Variants in OSTF1 observed in about 807,000 individuals in gnomAD.
OSTF1 encodes the protein osteoclast-stimulating factor 1.
A neutral mutation model predicts 37.2 loss-of-function variants in OSTF1; 27 were observed. The observed-to-expected ratio is 0.73, with a 90% confidence interval of 0.54 to 1.00. OSTF1 has a LOEUF of 1.00. OSTF1 is among the 50% of genes least tolerant of loss of function. OSTF1 has a pLI of 0.00. For missense variants in OSTF1, 232 were observed against 253.8 expected (o/e 0.91, Z 0.58); for synonymous variants, 82 against 89.2 (o/e 0.92, Z 0.46).
chr9:75,127,959 A>T lies in OSTF1; in HGVS notation c.132+340A>T, dbSNP rs576016653. On this transcript the variant is annotated intron_variant, in intron 3 of 9. Transcript: ENST00000346234. Reference sequence around the variant, plus strand: ...CCTCAGTTTTCTAGGAAAGGGTGAGAGTGTATGTGTACACACACATACATG... The same window carrying T: ...CCTCAGTTTTCTAGGAAAGGGTGAGTGTGTATGTGTACACACACATACATG... Among the ~76,000 whole-genome samples, 13 of 152,136 alleles carry T rather than the reference A, an allele frequency of 8.5e-5. No homozygotes were observed. In the South Asian group the frequency reaches 2.5e-3, roughly 29 times the overall value.
At chr9:75,140,483 A>G (rs1347118828) in intron 8 of OSTF1, among the ~76,000 whole-genome samples, 1 of 152,228 alleles carries the variant, frequency 6.6e-6, no homozygotes, top group Non-Finnish European at 1.5e-5. Flanking sequence ...CTCAAGCACT[A>G]TCCACTTGGT....
chr9:75,115,583 C>T (rs532085819), intron 1 of OSTF1, among the ~76,000 whole-genome samples: 1 of 151,898 alleles, frequency 6.6e-6, no homozygotes, highest in Non-Finnish European at 1.5e-5. Context: ...TAGATAGTCC[C>T]TCTATTTTGA....
Position 75,134,434 on chromosome 9 carries a change from G to A in OSTF1, c.408+39G>A, listed in dbSNP as rs779168240. ...TTTGAAAATTATTTAACACATACCT[G>A]CTTGTTGTCTTTAGTACAGAGCAAC... On this transcript the variant is annotated intron_variant, in intron 7 of 9. Transcript: ENST00000346234. 4.5e-6 allele frequency: 5 copies of A among 1,117,110 alleles called. 1 individual carries two copies. Among genetic ancestry groups the A allele is most frequent in the East Asian group, 4.8e-5 (2 of 41,310 alleles). The allele number at this position is 1,117,110 out of a possible 1,614,324, so 69.2% of individuals were successfully genotyped here. A position where few individuals can be genotyped will look rare whatever the true frequency, so the allele number is the denominator to read the frequency against.
intron 2 of OSTF1, among the ~76,000 whole-genome samples, chr9:75,123,143 C>T (rs539959219): frequency 6.6e-6 from 1 of 152,288 alleles, no homozygotes; most frequent in South Asian, 2.1e-4. Flanking sequence ...AAAGAAAGGC[C>T]GGGCGCAGTG....
chr9:75,088,670 G>C lies in OSTF1; in HGVS notation c.-23G>C, dbSNP rs748206809. On this transcript the variant is annotated 5_prime_UTR_variant, in exon 1 of 10. Transcript: ENST00000346234. ...GTGGGCTTTTCGGCGGGGTCTTTAG[G>C]ATTTGCAGCTCCAGGAAGCGAGATG... 1 of 1,605,574 alleles carries C rather than the reference G, an allele frequency of 6.2e-7. No individual in the cohort carries two copies.
chr9:75,117,122 GT>G (rs1277271027), intron 1 of OSTF1, among the ~76,000 whole-genome samples: 1 of 152,164 alleles, frequency 6.6e-6, no homozygotes, highest in Admixed American at 6.5e-5. Context: ...ACATAGTGAT[GT>G]TTTAATACAT....
At chr9:75,114,647 G>T (rs1479130395) in intron 1 of OSTF1, among the ~76,000 whole-genome samples, 2 of 151,992 alleles carry the variant, frequency 1.3e-5, no homozygotes, top group African/African-American at 4.8e-5. Flanking sequence ...CCACCTCCTG[G>T]GTTCAGGCAA....
chr9:75,134,482 A>G (rs1430297034), intron 7 of OSTF1, 87 bp downstream of exon 7: 4 of 685,350 alleles, frequency 5.8e-6, no homozygotes, highest in Non-Finnish European at 1.0e-5. Context: ...GAAGTATTGT[A>G]GTCAAAATCC....
At chr9:75,140,410 T>G (rs1219169561) in intron 8 of OSTF1, among the ~76,000 whole-genome samples, 1 of 152,208 alleles carries the variant, frequency 6.6e-6, no homozygotes, top group Non-Finnish European at 1.5e-5. Context: ...CCTCTTGGTT[T>G]TACGTGTTGC....
intron 9 of OSTF1, among the ~76,000 whole-genome samples, chr9:75,143,022 C>T (rs921200123): frequency 4.6e-5 from 7 of 151,404 alleles, no homozygotes; most frequent in Non-Finnish European, 7.4e-5. Flanking sequence ...TCACTGCAAC[C>T]TCCGCCTCCC....
At position 75,146,835 on chromosome 9, in the gene OSTF1, A is replaced by C; in HGVS notation, c.*94A>C. ...GAAAAGTGTTGGTAACTATAAAGAA[A>C]ATTATATATGAACACGGCAGTGTTG... On this transcript the variant is annotated 3_prime_UTR_variant, in exon 10 of 10. Transcript: ENST00000346234. 1 of 832,240 alleles carries C rather than the reference A, an allele frequency of 1.2e-6. No individual in the cohort carries two copies. The highest frequency in any genetic ancestry group is 2.0e-6 in the Non-Finnish European group (1 of 503,138). 51.6% of individuals were successfully genotyped at this position (832,240 alleles called of 1,614,324 possible). A position where few individuals can be genotyped will look rare whatever the true frequency, so the allele number is the denominator to read the frequency against.
chr9:75,130,417 G>C (rs543901523), intron 3 of OSTF1, among the ~76,000 whole-genome samples, 161 bp from the exon 4 acceptor site: 2 of 152,280 alleles, frequency 1.3e-5, no homozygotes, highest in Non-Finnish European at 2.9e-5. Flanking sequence ...GAGTGGTAAG[G>C]GAGACGGACA....
chr9:75,090,161 AAAC>A (rs1316614486), intron 1 of OSTF1, among the ~76,000 whole-genome samples: 2 of 152,218 alleles, frequency 1.3e-5, no homozygotes, highest in Non-Finnish European at 2.9e-5. Context: ...TTTGATAGCT[AAAC>A]AATATTTTAT....
At chr9:75,130,521 A>G in intron 3 of OSTF1, 57 bp from the exon 4 acceptor site, 1 of 1,165,296 alleles carries the variant, frequency 8.6e-7, no homozygotes, top group Non-Finnish European at 1.3e-6. Flanking sequence ...ATAATTTGAA[A>G]AGTGAATGAA....
intron 1 of OSTF1, among the ~76,000 whole-genome samples, chr9:75,093,144 T>C (rs1391783838): frequency 6.6e-6 from 1 of 150,968 alleles, no homozygotes; most frequent in Non-Finnish European, 1.5e-5. Flanking sequence ...GTCTTCTTCC[T>C]TCCTGAGCTT....
At chr9:75,089,518 AACTG>A (rs2118346904) in intron 1 of OSTF1, among the ~76,000 whole-genome samples, 1 of 152,286 alleles carries the variant, frequency 6.6e-6, no homozygotes, top group East Asian at 1.9e-4. Context: ...TTGTAAAAGA[AACTG>A]ACGTATTTTA....
chr9:75,114,098 A>G (rs1399910436), intron 1 of OSTF1, among the ~76,000 whole-genome samples: 1 of 152,168 alleles, frequency 6.6e-6, no homozygotes, highest in East Asian at 1.9e-4. Context: ...CAGGTTCATT[A>G]ATGTTGTCAC....
chr9:75,137,944 T>C (rs1048113031), intron 8 of OSTF1, among the ~76,000 whole-genome samples: 1 of 152,166 alleles, frequency 6.6e-6, no homozygotes, highest in Non-Finnish European at 1.5e-5. Flanking sequence ...GGAGATCCTG[T>C]CTGAGAAAGC....
chr9:75,089,030 A>C (rs1224994738), intron 1 of OSTF1, among the ~76,000 whole-genome samples: 1 of 152,074 alleles, frequency 6.6e-6, no homozygotes, highest in East Asian at 1.9e-4. Flanking sequence ...GTCCCATGGA[A>C]GTTTTCCGGA....
Sources: allele counts gnomAD v4.1 joint callset (sites outside exome capture counted in the v4.1 genomes callset), GRCh38; gene constraint gnomAD v4.1.1; transcripts MANE v1.5; gene names NCBI Gene and HGNC (gene_info 2026-07-23, HGNC 2026-07-21).